CDYL: variants seen among roughly 807,000 people sequenced by gnomAD.
The protein encoded by CDYL is chromodomain Y like, also known as chromodomain Y-like protein.
CDYL carries 8 observed loss-of-function variants against 47.3 expected under a neutral mutation model. The ratio of observed to expected loss-of-function variants is 0.17; its 90% CI spans 0.10 to 0.31. The LOEUF is 0.31. Among genes scored for constraint, CDYL ranks in the 10% least tolerant of loss-of-function variants. The probability of loss-of-function intolerance (pLI) is 1.00; values close to 1 mark genes in which losing one functional copy is unlikely to be tolerated. For synonymous variants in CDYL, 266 were observed against 265.0 expected, an observed-to-expected ratio of 1.00 and a Z score of -0.04; for missense variants, 471 against 701.4, an observed-to-expected ratio of 0.67 and a Z score of 3.71.
chr6:4,844,037 C>G (rs957389330), intron 1 of CDYL, among the ~76,000 whole-genome samples: 9 of 152,176 alleles, frequency 5.9e-5, no homozygotes, highest in Non-Finnish European at 1.0e-4. Context: ...ATGTGATACT[C>G]TCTCCCTTCC....
At chr6:4,908,774 A>G (rs543323886) in intron 2 of CDYL, among the ~76,000 whole-genome samples, 1 of 152,278 alleles carries the variant, frequency 6.6e-6, no homozygotes, top group South Asian at 2.1e-4. Context: ...CTGACCTGCT[A>G]TGCATCCTCT....
chr6:4,854,042 T>A (rs1194710081), intron 1 of CDYL, among the ~76,000 whole-genome samples: 7 of 152,230 alleles, frequency 4.6e-5, no homozygotes, highest in African/African-American at 1.7e-4. Flanking sequence ...CCCCTTGAAG[T>A]GTGTGTACTT....
chr6:4,900,797 A>G (rs377655199), intron 2 of CDYL, among the ~76,000 whole-genome samples: 10,600 of 71,762 alleles, frequency 0.15, 2,601 homozygotes, highest in Non-Finnish European at 0.18. Flanking sequence ...ATATATATAT[A>G]TATATATATA....
chr6:4,708,209 GCT>G (rs1757082961), intron 1 of CDYL, among the ~76,000 whole-genome samples: 1 of 151,578 alleles, frequency 6.6e-6, no homozygotes, highest in Admixed American at 6.6e-5. Context: ...ACAGAATCTT[GCT>G]CTGTCACCCA....
chr6:4,732,294 C>T (rs1410478799), intron 2 of CDYL, among the ~76,000 whole-genome samples: 1 of 151,800 alleles, frequency 6.6e-6, no homozygotes, highest in Non-Finnish European at 1.5e-5. Flanking sequence ...CTGATTGTGC[C>T]ACCGCACCCC....
chr6:4,778,337 C>G (rs943404539), intron 1 of CDYL, among the ~76,000 whole-genome samples: 1 of 152,176 alleles, frequency 6.6e-6, no homozygotes, highest in Non-Finnish European at 1.5e-5. Context: ...AGAGTAGCAC[C>G]TTATACGTAA....
intron 1 of CDYL, among the ~76,000 whole-genome samples, chr6:4,805,007 G>T (rs931623282): frequency 6.6e-6 from 1 of 152,116 alleles, no homozygotes; most frequent in Non-Finnish European, 1.5e-5. Context: ...ATGGTTAACG[G>T]TGTTAGCTAG....
intron 2 of CDYL, among the ~76,000 whole-genome samples, chr6:4,915,200 C>T (rs1398144296): frequency 1.3e-5 from 2 of 152,176 alleles, no homozygotes; most frequent in African/African-American, 4.8e-5. Flanking sequence ...GAATAAATTC[C>T]TAGATTCGGA....
At chr6:4,835,927 C>T (rs1390569863) in intron 1 of CDYL, among the ~76,000 whole-genome samples, 1 of 152,202 alleles carries the variant, frequency 6.6e-6, no homozygotes, top group Non-Finnish European at 1.5e-5. Flanking sequence ...TTAAGCCCGT[C>T]AGAAAAGCGC....
chr6:4,710,363 AGG>A (rs1757127132), intron 1 of CDYL, among the ~76,000 whole-genome samples: 1 of 83,822 alleles, frequency 1.2e-5, no homozygotes, highest in South Asian at 4.5e-4. Context: ...GAGGGAGGGA[AGG>A]AGGGAGGGAG....
chr6:4,729,823 T>C (rs980315625), intron 2 of CDYL, among the ~76,000 whole-genome samples: 9 of 151,830 alleles, frequency 5.9e-5, no homozygotes, highest in Non-Finnish European at 1.3e-4. Context: ...GAGGCTGAGG[T>C]GGGAGAATCA....
At chr6:4,858,200 G>T (rs1283269493) in intron 1 of CDYL, among the ~76,000 whole-genome samples, 1 of 152,006 alleles carries the variant, frequency 6.6e-6, no homozygotes, top group Non-Finnish European at 1.5e-5. Flanking sequence ...GCTTTAAAAA[G>T]ATTTTTTTGG....
At chr6:4,875,372 T>A (rs1043654369) in intron 1 of CDYL, among the ~76,000 whole-genome samples, 1 of 152,168 alleles carries the variant, frequency 6.6e-6, no homozygotes, top group Non-Finnish European at 1.5e-5. Flanking sequence ...GGACTTGTGA[T>A]TGGGATTGTA....
intron 1 of CDYL, among the ~76,000 whole-genome samples, chr6:4,874,226 G>A (rs1761555285): frequency 6.6e-6 from 1 of 151,978 alleles, no homozygotes; most frequent in South Asian, 2.1e-4. Flanking sequence ...AGAATTTGGT[G>A]GGTATTCTTT....
At chr6:4,847,600 A>G (rs1044768623) in intron 1 of CDYL, among the ~76,000 whole-genome samples, 6 of 152,232 alleles carry the variant, frequency 3.9e-5, no homozygotes, top group African/African-American at 9.6e-5. Flanking sequence ...CTGAAGGTTC[A>G]GTGAATTAAA....
At chr6:4,718,007 G>A (rs975738773) in intron 2 of CDYL, among the ~76,000 whole-genome samples, 5 of 151,740 alleles carry the variant, frequency 3.3e-5, no homozygotes, top group Non-Finnish European at 7.4e-5. Flanking sequence ...CACCACACCC[G>A]GCTGATTTTA....
At chr6:4,716,701 G>A (rs1757271986) in intron 2 of CDYL, among the ~76,000 whole-genome samples, 1 of 149,804 alleles carries the variant, frequency 6.7e-6, no homozygotes, top group Non-Finnish European at 1.5e-5. Context: ...GAAATAACAG[G>A]CAAGTCTAGA....
rs143850233 is a variant in CDYL, at chr6:4,713,013, T to C, written c.-38-2728T>C. Among the ~76,000 whole-genome samples, 892 of 152,202 alleles carry C rather than the reference T, an allele frequency of 5.9e-3. 9 individuals are homozygous for C. Among genetic ancestry groups the C allele is most frequent in the African/African-American group, 0.02 (840 of 41,520 alleles). On this transcript the variant is annotated intron_variant, in intron 1 of 8. Coordinates refer to the CDYL transcript ENST00000328908. ...TACAAAAATTAGCGAGGTGTGGTGG[T>C]ATGCACCTGTAGATCCAGGAACTTG...
At chr6:4,797,965 T>C (rs988261416) in intron 1 of CDYL, among the ~76,000 whole-genome samples, 2 of 152,020 alleles carry the variant, frequency 1.3e-5, no homozygotes, top group African/African-American at 2.4e-5. Flanking sequence ...GTGAACATCT[T>C]TTTTTTTCTT....
Sources: gnomAD v4.1 joint callset for allele counts (sites outside exome capture counted in the v4.1 genomes callset) on GRCh38, gnomAD v4.1.1 for gene constraint, MANE v1.5 for transcripts, NCBI Gene and HGNC (gene_info 2026-07-23, HGNC 2026-07-21) for gene names.